DPYD: variants seen among roughly 807,000 people sequenced by gnomAD.
The protein encoded by DPYD is dihydropyrimidine dehydrogenase [NADP(+)].
Under a neutral mutation model 116.2 loss-of-function variants are expected in DPYD, and 109 were observed. The observed-to-expected ratio is 0.94, with a 90% confidence interval of 0.80 to 1.10. DPYD has a LOEUF of 1.10. DPYD is among the 50% of genes least tolerant of loss of function. The pLI, the probability that DPYD is intolerant of heterozygous loss-of-function variation, is 0.00. For synonymous variants in DPYD, 440 were observed against 432.0 expected, an observed-to-expected ratio of 1.02 and a Z score of -0.23; for missense variants, 1,302 against 1,254.5, an observed-to-expected ratio of 1.04 and a Z score of -0.57.
intron 13 of DPYD, among the ~76,000 whole-genome samples, chr1:97,457,694 G>A (rs1022607097): frequency 2.6e-5 from 4 of 152,174 alleles, no homozygotes; most frequent in South Asian, 2.1e-4. Flanking sequence ...GCTTTAACTA[G>A]TTCACGGCTA....
chr1:97,716,165 T>C (rs927945602), intron 5 of DPYD, among the ~76,000 whole-genome samples: 1 of 152,092 alleles, frequency 6.6e-6, no homozygotes, highest in Non-Finnish European at 1.5e-5. Flanking sequence ...ATTGTATTAG[T>C]GTATATTTAC....
Position 97,449,958 on chromosome 1 carries a change from A to C in DPYD, c.1905+101T>G, listed in dbSNP as rs1676316555. The C allele has an allele frequency of 6.9e-6, 10 of 1,457,004 alleles. No individual in the cohort carries two copies. The East Asian group carries it at 2.2e-4, about 31-fold the overall frequency. 90.3% of individuals were successfully genotyped at this position (1,457,004 alleles called of 1,614,324 possible). On this transcript the variant is annotated intron_variant, in intron 14 of 22. Coordinates refer to ENST00000370192, the MANE Select transcript of DPYD (RefSeq NM_000110.4). The stretch of plus-strand genomic sequence containing the variant: ...AAGCAACTGGCAGATTCTTTAATAA[A>C]ATATACACATTAATATTTATAAGCC...
chr1:97,188,850 G>A (rs1015671070), intron 20 of DPYD, among the ~76,000 whole-genome samples: 1 of 152,088 alleles, frequency 6.6e-6, no homozygotes, highest in African/African-American at 2.4e-5. Context: ...AAGTCAAGAA[G>A]GCATAAAGGT....
intron 13 of DPYD, among the ~76,000 whole-genome samples, chr1:97,481,653 A>C (rs1450025500): frequency 6.6e-6 from 1 of 151,846 alleles, no homozygotes; most frequent in African/African-American, 2.4e-5. Flanking sequence ...ACATTCTATT[A>C]TGAGATAATA....
At position 97,193,189 on chromosome 1, in the gene DPYD, G is replaced by C. The variant is rs772229101; in HGVS notation, c.2502C>G (p.Leu834=). 1 of 1,613,878 alleles carries C rather than the reference G, an allele frequency of 6.2e-7. No homozygotes were observed. ...FTVIEDYCTG[L]KALLYLKSIE... Reference sequence around the variant, plus strand: ...TGCTTTTCAGATAAAGCAGGGCTTTGAGGCCAGTGCAGTAGTCTTCGATCA... The same window carrying C: ...TGCTTTTCAGATAAAGCAGGGCTTTCAGGCCAGTGCAGTAGTCTTCGATCA... Residue 834 remains leucine, a synonymous_variant, in exon 20 of 23, where the codon CTC becomes CTG. Coordinates refer to ENST00000370192, the MANE Select transcript of DPYD (RefSeq NM_000110.4).
chr1:97,304,949 C>T (rs1370081949), intron 18 of DPYD, among the ~76,000 whole-genome samples: 1 of 151,812 alleles, frequency 6.6e-6, no homozygotes, highest in Non-Finnish European at 1.5e-5. Context: ...ATATTTTTCT[C>T]TCAGAGGGCC....
At chr1:97,639,400 G>GA (rs1326157085) in intron 8 of DPYD, among the ~76,000 whole-genome samples, 1 of 151,956 alleles carries the variant, frequency 6.6e-6, no homozygotes, top group African/African-American at 2.4e-5. Context: ...CTCAGACACT[G>GA]AAAAAAATTA....
chr1:97,222,826 A>G (rs1287704923), intron 19 of DPYD, among the ~76,000 whole-genome samples: 1 of 152,104 alleles, frequency 6.6e-6, no homozygotes, highest in Admixed American at 6.6e-5. Context: ...TCTTTTAACC[A>G]GTTATGTGAA....
chr1:97,613,357 A>C (rs1656065492), intron 8 of DPYD, among the ~76,000 whole-genome samples: 1 of 152,056 alleles, frequency 6.6e-6, no homozygotes, highest in Non-Finnish European at 1.5e-5. Context: ...GCTCATAAAA[A>C]TCAATCATAA....
chr1:97,445,824 C>T (rs1482504003), intron 14 of DPYD, among the ~76,000 whole-genome samples: 1 of 150,056 alleles, frequency 6.7e-6, no homozygotes, highest in Non-Finnish European at 1.5e-5. Context: ...CTCCTGGGTT[C>T]AAGCAGTTCT....
chr1:97,588,036 G>T (rs1362156530), intron 10 of DPYD, among the ~76,000 whole-genome samples: 1 of 152,044 alleles, frequency 6.6e-6, no homozygotes, highest in Non-Finnish European at 1.5e-5. Context: ...TAAATGTTGT[G>T]CTATTTCAAA....
At chr1:97,652,873 A>T (rs1309685149) in intron 8 of DPYD, among the ~76,000 whole-genome samples, 2 of 152,050 alleles carry the variant, frequency 1.3e-5, no homozygotes, top group African/African-American at 4.8e-5. Flanking sequence ...ATCTACTGTT[A>T]TTTACTCTCT....
intron 13 of DPYD, among the ~76,000 whole-genome samples, chr1:97,460,083 CTT>C (rs1372288158): frequency 1.3e-5 from 2 of 152,102 alleles, no homozygotes; most frequent in Middle Eastern, 3.4e-3. Context: ...TTTACTATAT[CTT>C]AAACTATATA....
intron 18 of DPYD, among the ~76,000 whole-genome samples, chr1:97,267,162 T>C (rs959988748): frequency 6.6e-6 from 1 of 152,142 alleles, no homozygotes; most frequent in African/African-American, 2.4e-5. Context: ...TAAAAGCGTT[T>C]CTATTTCTCC....
chr1:97,135,600 A>G (rs932421411), intron 20 of DPYD, among the ~76,000 whole-genome samples: 7 of 152,194 alleles, frequency 4.6e-5, no homozygotes, highest in African/African-American at 4.8e-5. Context: ...ATGTAGGAAC[A>G]TGAGTGGAAT....
intron 8 of DPYD, among the ~76,000 whole-genome samples, chr1:97,659,237 G>A (rs1659114455): frequency 6.6e-6 from 1 of 152,112 alleles, no homozygotes; most frequent in African/African-American, 2.4e-5. Context: ...CCCCTTCATT[G>A]AATGCGTAAT....
chr1:97,145,743 G>GTT (rs370793517), intron 20 of DPYD, among the ~76,000 whole-genome samples: 3 of 129,336 alleles, frequency 2.3e-5, no homozygotes, highest in African/African-American at 5.8e-5. Context: ...AATTGTGTGG[G>GTT]TTTTTTTTTT....
In DPYD at chr1:97,802,848, T is replaced by C. The variant is rs17370607; in HGVS notation, c.233+25266A>G. ...ACTATTTTTCAAAAGTTCTATTGGATCCTATGTCAATTTTTTTGTGATGTT... is the reference window on the plus strand; with the variant it reads ...ACTATTTTTCAAAAGTTCTATTGGACCCTATGTCAATTTTTTTGTGATGTT... On this transcript the variant is annotated intron_variant, in intron 3 of 22. Transcript: ENST00000370192. Among the ~76,000 whole-genome samples the C allele has an allele frequency of 9.7e-3, 1,471 of 152,034 alleles. 10 individuals carry two copies. The highest frequency in any genetic ancestry group is 0.016 in the Non-Finnish European group (1,085 of 67,884).
intron 21 of DPYD, among the ~76,000 whole-genome samples, chr1:97,086,799 TG>T (rs1274399445): frequency 1.3e-5 from 2 of 152,218 alleles, no homozygotes; most frequent in African/African-American, 2.4e-5. Context: ...CAGGACTGTC[TG>T]CACTTTGTAC....
Sources: allele counts gnomAD v4.1 joint callset (sites outside exome capture counted in the v4.1 genomes callset), GRCh38; gene constraint gnomAD v4.1.1; transcripts MANE v1.5; gene names NCBI Gene and HGNC (gene_info 2026-07-23, HGNC 2026-07-21).